DUOX1: variants seen among roughly 807,000 people sequenced by gnomAD.
The protein encoded by DUOX1 is dual oxidase 1.
In DUOX1, 134 loss-of-function variants were observed where a neutral mutation model predicts 181.8. That is an observed-to-expected ratio of 0.74 (90% CI 0.64 to 0.85). DUOX1 has a LOEUF of 0.85. Ranked by LOEUF, DUOX1 falls within the 40% of genes least tolerant of loss-of-function variation. The pLI, the probability that DUOX1 is intolerant of heterozygous loss-of-function variation, is 0.00. For synonymous variants in DUOX1, 798 were observed against 832.5 expected, an observed-to-expected ratio of 0.96 and a Z score of 0.71; for missense variants, 1,814 against 2,064.4, an observed-to-expected ratio of 0.88 and a Z score of 2.35.
At chr15:45,146,825 ACTGT>A (rs966868607) in intron 18 of DUOX1, among the ~76,000 whole-genome samples, 37 of 152,232 alleles carry the variant, frequency 2.4e-4, no homozygotes, top group African/African-American at 8.9e-4. Context: ...CTGCTTCCTC[ACTGT>A]CTGTTCTCTC....
Position 45,144,995 on chromosome 15 carries a change from G to T in DUOX1, c.2237G>T (p.Arg746Leu), listed in dbSNP as rs762543874. The T allele has an allele frequency of 3.7e-6, 6 of 1,614,144 alleles. No individual in the cohort carries two copies. The South Asian group carries it at 6.6e-5, about 18-fold the overall frequency. ...TTGAGCATCCAGGAGTGGGAGCTGCGGGAGCAGGAGCTGATGAGAGCAGCT... is the reference window on the plus strand; with the variant it reads ...TTGAGCATCCAGGAGTGGGAGCTGCTGGAGCAGGAGCTGATGAGAGCAGCT... ...SGLSIQEWEL[R>L]EQELMRAAVT... The change falls in exon 18 of 34, where the codon CGG becomes CTG. Residue 746 changes from arginine (R) to leucine (L), a missense_variant. Physicochemically the swap from Arg to Leu is moderately radical, Grantham distance 102 (BLOSUM62 -2). This residue lies in a region of DUOX1 where 1,064 missense variants were observed against 1,152.9 expected (regional missense o/e 0.92). Transcript: ENST00000389037.
Position 45,163,784 on chromosome 15 carries a change from C to T in DUOX1, c.4405-6C>T, listed in dbSNP as rs202173402. The T allele has an allele frequency of 1.5e-3, 2,436 of 1,614,098 alleles. 2 individuals are homozygous for T. Among genetic ancestry groups the T allele is most frequent in the Non-Finnish European group, 1.8e-3 (2,085 of 1,179,996 alleles). On this transcript the variant is annotated splice_polypyrimidine_tract_variant and splice_region_variant and intron_variant, in intron 32 of 33. Coordinates refer to ENST00000389037, the MANE Select transcript of DUOX1 (RefSeq NM_175940.3). The stretch of plus-strand genomic sequence containing the variant: ...CTGAACTTTGTTCCACCCTTCCCTA[C>T]CATAGTACATCTGTGAGCGGCACTT...
In DUOX1 at chr15:45,136,411, G is replaced by A. The variant is rs1427445804; in HGVS notation, c.925+1G>A. ...CAGAAAACACTCCCGGAGTATACAG[G>A]TGAGGGAGCGGGGAAGGAGGATGGG... On this transcript the variant is annotated splice_donor_variant, in intron 8 of 33. Transcript: ENST00000389037. LOFTEE classifies it high-confidence loss of function. 2 of 1,614,154 alleles carry A rather than the reference G, an allele frequency of 1.2e-6. No individual in the cohort carries two copies. Among genetic ancestry groups the A allele is most frequent in the South Asian group, 2.2e-5 (2 of 91,082 alleles).
chr15:45,133,975 C>A (rs1360495213), intron 3 of DUOX1, 28 bp downstream of exon 3: 8 of 1,611,230 alleles, frequency 5.0e-6, no homozygotes, highest in Non-Finnish European at 6.8e-6. Context: ...GGGGATAGAA[C>A]CCCAGGGCCA....
chr15:45,152,236 C>G, intron 24 of DUOX1, 50 bp from the exon 25 acceptor site: 11 of 1,555,982 alleles, frequency 7.1e-6, no homozygotes, highest in Non-Finnish European at 9.6e-6. Flanking sequence ...CTAACCAGCT[C>G]TCTGTCCTCT....
At chr15:45,135,696 C>A in intron 6 of DUOX1, 21 bp downstream of exon 6, 1 of 1,448,808 alleles carries the variant, frequency 6.9e-7, no homozygotes, top group South Asian at 1.4e-5. Context: ...AGGGGCGGGA[C>A]GGGGCCGGCT....
intron 1 of DUOX1, 32 bp downstream of exon 1, chr15:45,130,130 G>C (rs1235788062): frequency 6.6e-6 from 1 of 152,268 alleles, no homozygotes; most frequent in Non-Finnish European, 1.5e-5. Context: ...CCCGGCCCGC[G>C]GGCCTGGGCG....
rs1567010565 is a variant in DUOX1 at position 45,139,441 on chromosome 15, C to T, written c.1231C>T (p.Pro411Ser). Residue 411 changes from proline to serine, a missense_variant, in exon 12 of 34, where the codon CCA becomes TCA. Transcript: ENST00000389037. Reference sequence around the variant, plus strand: ...CTTGTCTCCAGATTTCTGGCCTGGGCCACTGAAGTTTTCCCGCACAGACCA... The same window carrying T: ...CTTGTCTCCAGATTTCTGGCCTGGGTCACTGAAGTTTTCCCGCACAGACCA... ...VEDVRDFWPGPLKFSRTDHLA... is the reference protein window; with the variant it reads ...VEDVRDFWPGSLKFSRTDHLA... The T allele has an allele frequency of 2.5e-6, 4 of 1,612,750 alleles. No homozygotes were observed. The highest frequency in any genetic ancestry group is 3.4e-6 in the Non-Finnish European group (4 of 1,179,628).
Position 45,135,147 on chromosome 15 carries a change from C to T in DUOX1, c.351C>T (p.Gly117=), listed in dbSNP as rs78022423. ...LSDLVSVETP[G]CPAEFLNIRI... ...ACCTGGTGAGCGTGGAAACTCCCGG[C>T]TGCCCCGCCGAGTTCCTCAACATTC... is the stretch of plus-strand genomic sequence containing the variant. Residue 117 remains glycine, a synonymous_variant, in exon 5 of 34, where the codon GGC becomes GGT. Transcript: ENST00000389037. 3.4e-3 allele frequency: 5,413 copies of T among 1,613,700 alleles called. 192 individuals carry two copies. The African/African-American group carries it at 0.066, about 20-fold the overall frequency.
rs1267659247 is a variant in DUOX1, at chr15:45,140,946, C to T, written c.1441C>T (p.Leu481=). 1 of 1,614,218 alleles carries T rather than the reference C, an allele frequency of 6.2e-7. No homozygotes were observed. The highest frequency in any genetic ancestry group is 2.2e-5 in the East Asian group (1 of 44,890). The change falls in exon 13 of 34, where the codon CTG becomes TTG. Residue 481 remains leucine, a synonymous_variant. Coordinates refer to ENST00000389037, the MANE Select transcript of DUOX1 (RefSeq NM_175940.3). ...CAACCAGGACTTATCCTGGCTAGAGCTGCTCCCTGGGGGACTCCTGGAGAG... is the reference window on the plus strand; with the variant it reads ...CAACCAGGACTTATCCTGGCTAGAGTTGCTCCCTGGGGGACTCCTGGAGAG... ...LYNQDLSWLE[L]LPGGLLESHR... is the part of the protein sequence containing the mutation.
chr15:45,142,810 A>AGGAAGGAAGGAAGGAAGGAAGGAAGGAG (rs1491411109), intron 15 of DUOX1, among the ~76,000 whole-genome samples: 1 of 150,762 alleles, frequency 6.6e-6, no homozygotes, highest in Non-Finnish European at 1.5e-5. Context: ...GGAGGGAGGA[A>AGGAAGGAAGGAAGGAAGGAAGGAAGGAG]GAGCAGGCTG....
chr15:45,148,457 C>T lies in DUOX1; in HGVS notation c.2818+10C>T, dbSNP rs754715549. ...CAGCTCTGTGTCAAAGGTGGGGCAG[C>T]CTGGTAGGCAGCACTGACTCATTGG... On this transcript the variant is annotated intron_variant, in intron 21 of 33. Transcript: ENST00000389037. 1.9e-6 allele frequency: 3 copies of T among 1,606,942 alleles called. No homozygotes were observed. Among genetic ancestry groups the T allele is most frequent in the Non-Finnish European group, 2.6e-6 (3 of 1,175,542 alleles).
chr15:45,138,898 C>A, intron 10 of DUOX1, 168 bp from the exon 11 acceptor site: 1 of 629,056 alleles, frequency 1.6e-6, no homozygotes, highest in Non-Finnish European at 2.8e-6. Flanking sequence ...ACACCCCTCA[C>A]CCTGAGTGGG....
intron 9 of DUOX1, 43 bp from the exon 10 acceptor site, chr15:45,137,881 C>A (rs540138579): frequency 2.3e-5 from 34 of 1,481,900 alleles, no homozygotes; most frequent in African/African-American, 8.4e-5. Context: ...GACATTATAA[C>A]CCCATTATCT....
Position 45,135,611 on chromosome 15 carries a change from C to A in DUOX1, c.633C>A (p.Asn211Lys), listed in dbSNP as rs552750603. The A allele has an allele frequency of 1.4e-5, 22 of 1,561,142 alleles. No individual in the cohort carries two copies. The highest frequency in any genetic ancestry group is 1.6e-5 in the Non-Finnish European group (19 of 1,153,898). The change falls in exon 6 of 34, where the codon AAC (asparagine) becomes AAA (lysine). Residue 211 changes from asparagine (N) to lysine (K), a missense_variant. This residue lies in a region of DUOX1 where 320 missense variants were observed against 313.1 expected (regional missense o/e 1.02). Coordinates refer to ENST00000389037, the MANE Select transcript of DUOX1 (RefSeq NM_175940.3). ...PDPAFPRDSQ[N>K]PLLMWAAPDP... The stretch of plus-strand genomic sequence containing the variant: ...CCGCTTTTCCCCGAGACTCGCAGAA[C>A]CCCCTGCTCATGTGGGCGGCGCCCG...
intron 21 of DUOX1, among the ~76,000 whole-genome samples, chr15:45,149,067 G>A (rs1300961628): frequency 2.0e-5 from 3 of 152,198 alleles, no homozygotes; most frequent in Non-Finnish European, 4.4e-5. Context: ...GTTAGAGTGA[G>A]GAATGGGCAA....
At chr15:45,132,502 G>C (rs1310000234) in intron 2 of DUOX1, among the ~76,000 whole-genome samples, 1 of 152,230 alleles carries the variant, frequency 6.6e-6, no homozygotes, top group African/African-American at 2.4e-5. Flanking sequence ...TCAGTAGACA[G>C]TTTCTTGCTG....
chr15:45,134,101 T>C, intron 3 of DUOX1, 44 bp from the exon 4 acceptor site: 1 of 1,538,512 alleles, frequency 6.5e-7, no homozygotes, highest in Non-Finnish European at 8.7e-7. Context: ...GGGTCAAGAA[T>C]GCCCCCTGAA....
rs754795485 is a variant in DUOX1 at position 45,162,388 on chromosome 15, C to T, written c.4248+11C>T. On this transcript the variant is annotated intron_variant, in intron 31 of 33. Coordinates refer to ENST00000389037, the MANE Select transcript of DUOX1 (RefSeq NM_175940.3). ...GTGTTCTGTAAGAAGGTGAGTACTG[C>T]CCCCACTTCCCACCAACCCATGGCC... 1.2e-5 allele frequency: 19 copies of T among 1,610,154 alleles called. No homozygotes were observed. The South Asian group carries it at 2.0e-4, about 17-fold the overall frequency.
Sources: gnomAD v4.1 joint callset for allele counts (sites outside exome capture counted in the v4.1 genomes callset) on GRCh38, gnomAD v4.1.1 for gene constraint, gnomAD v4.1.1 regional missense constraint, MANE v1.5 for transcripts, NCBI Gene and HGNC (gene_info 2026-07-23, HGNC 2026-07-21) for gene names.